MSRA: variants seen among roughly 807,000 people sequenced by gnomAD.
The protein encoded by MSRA is mitochondrial peptide methionine sulfoxide reductase.
A neutral mutation model predicts 31.3 loss-of-function variants in MSRA; 54 were observed. The observed-to-expected ratio is 1.73, with a 90% CI of 1.39 to 2.17. The LOEUF (loss-of-function observed/expected upper bound fraction) is 2.17, where lower values mean the gene tolerates loss of function less well. Ranked by LOEUF, MSRA falls within the 30% of genes most tolerant of loss-of-function variation. MSRA has a pLI of 0.00. For synonymous variants in MSRA, 169 were observed against 116.5 expected (o/e 1.45, Z -2.90); for missense variants, 507 against 300.9 (o/e 1.69, Z -5.07).
chr8:10,222,194 T>C (rs145433063), intron 2 of MSRA, among the ~76,000 whole-genome samples: 78 of 152,282 alleles, frequency 5.1e-4, no homozygotes, highest in African/African-American at 1.7e-3. Flanking sequence ...TTCAATACTT[T>C]TGGCTTTTGA....
At chr8:10,168,369 C>A (rs1478641918) in intron 1 of MSRA, among the ~76,000 whole-genome samples, 1 of 152,148 alleles carries the variant, frequency 6.6e-6, no homozygotes. Context: ...CGCTGGTGTG[C>A]TATCATCCCT....
chr8:10,267,618 G>A (rs1049922699), intron 3 of MSRA, among the ~76,000 whole-genome samples: 5 of 152,084 alleles, frequency 3.3e-5, no homozygotes, highest in African/African-American at 1.2e-4. Context: ...CCAGAAGTGT[G>A]CTTGCTTTAC....
chr8:10,392,822 G>GT, intron 5 of MSRA, among the ~76,000 whole-genome samples: 1 of 142,888 alleles, frequency 7.0e-6, no homozygotes, highest in South Asian at 2.2e-4. Context: ...TGAGACGGGC[G>GT]TATCACCAGG....
chr8:10,337,747 C>G (rs1041382442), intron 5 of MSRA: 11 of 702,680 alleles, frequency 1.6e-5, no homozygotes, highest in Non-Finnish European at 2.9e-5. Context: ...TGCTGGGGCT[C>G]ACTGCAGCCT....
chr8:10,060,350 A>G (rs927801889), intron 1 of MSRA, among the ~76,000 whole-genome samples: 2 of 152,230 alleles, frequency 1.3e-5, no homozygotes, highest in African/African-American at 4.8e-5. Context: ...TGAAAAAAGC[A>G]AGGTCTCAAC....
chr8:10,247,631 C>G (rs78182415), intron 3 of MSRA, among the ~76,000 whole-genome samples: 1 of 152,080 alleles, frequency 6.6e-6, no homozygotes, highest in East Asian at 1.9e-4. Context: ...TGGTAAAGAA[C>G]TCGATTGGAT....
intron 1 of MSRA, among the ~76,000 whole-genome samples, chr8:10,198,035 G>A (rs984872283): frequency 2.0e-5 from 3 of 152,158 alleles, no homozygotes; most frequent in African/African-American, 7.2e-5. Flanking sequence ...GTGGGACTTA[G>A]AAGAGAACAC....
chr8:10,144,994 C>T (rs1021279402), intron 1 of MSRA, among the ~76,000 whole-genome samples: 5 of 151,050 alleles, frequency 3.3e-5, no homozygotes, highest in African/African-American at 4.9e-5. Flanking sequence ...CTCCTTTCCC[C>T]TCCCCCCGCC....
chr8:10,245,076 C>A (rs1213690938), intron 2 of MSRA, 28 bp from the exon 3 acceptor site: 1 of 1,605,430 alleles, frequency 6.2e-7, no homozygotes, highest in Middle Eastern at 1.7e-4. Context: ...TAATCAGTAT[C>A]CTTTTTTTTT....
At position 10,081,219 on chromosome 8, in the gene MSRA, C is replaced by T. The variant is rs145433882; in HGVS notation, c.142+26561C>T. Reference sequence around the variant, plus strand: ...GCGGATGGGGCAGTGGCTGATTCCACGTGGAGGGGCCTGCTCTGAGGCTGC... The same window carrying T: ...GCGGATGGGGCAGTGGCTGATTCCATGTGGAGGGGCCTGCTCTGAGGCTGC... On this transcript the variant is annotated intron_variant, in intron 1 of 5. Transcript: ENST00000317173. 9.8e-5 allele frequency among the ~76,000 whole-genome samples: 15 copies of T among 152,290 alleles called. No homozygotes were observed. In the East Asian group the frequency reaches 2.5e-3, roughly 25 times the overall value.
At chr8:10,227,251 G>T (rs557019498) in intron 2 of MSRA, among the ~76,000 whole-genome samples, 34 of 152,276 alleles carry the variant, frequency 2.2e-4, no homozygotes, top group Admixed American at 1.9e-3. Flanking sequence ...TTGGCAGGTT[G>T]TCATAAGGAA....
In MSRA at chr8:10,332,196, A is replaced by G. The variant is rs554453962; in HGVS notation, c.543+12207A>G. Among the ~76,000 whole-genome samples, 34 of 152,322 alleles carry G rather than the reference A, an allele frequency of 2.2e-4. 1 individual carries two copies. The highest frequency in any genetic ancestry group is 8.2e-4 in the African/African-American group (34 of 41,574). ...GGTCTGTTGTATTCTCTATGCTGCA[A>G]TGTTTAAAACCCATCTGAGTACCGA... On this transcript the variant is annotated intron_variant, in intron 5 of 5. Transcript: ENST00000317173.
intron 1 of MSRA, among the ~76,000 whole-genome samples, chr8:10,067,709 A>G (rs1224558526): frequency 1.3e-5 from 2 of 152,184 alleles, no homozygotes. Context: ...GATTTTAGCT[A>G]TTCCACAGAC....
intron 3 of MSRA, among the ~76,000 whole-genome samples, chr8:10,259,134 T>G (rs761533259): frequency 6.6e-6 from 1 of 151,702 alleles, no homozygotes; most frequent in Non-Finnish European, 1.5e-5. Context: ...CAGATATATA[T>G]GTTCATCTGT....
chr8:10,116,235 T>C (rs1412526093), intron 1 of MSRA, among the ~76,000 whole-genome samples: 2 of 152,228 alleles, frequency 1.3e-5, no homozygotes, highest in Non-Finnish European at 2.9e-5. Flanking sequence ...CCCATATTCA[T>C]AAACTTTTTT....
At chr8:10,058,785 T>G (rs1295794792) in intron 1 of MSRA, among the ~76,000 whole-genome samples, 3 of 152,248 alleles carry the variant, frequency 2.0e-5, no homozygotes, top group Non-Finnish European at 4.4e-5. Flanking sequence ...TATCTTAGTT[T>G]TAATCCCACC....
Position 10,322,133 on chromosome 8 carries a change from G to A in MSRA, c.543+2144G>A, listed in dbSNP as rs1487232767. Among the ~76,000 whole-genome samples, 5 of 152,092 alleles carry A rather than the reference G, an allele frequency of 3.3e-5. No homozygotes were observed. The South Asian group carries it at 8.3e-4, about 25-fold the overall frequency. On this transcript the variant is annotated intron_variant, in intron 5 of 5. Coordinates refer to ENST00000317173, the MANE Select transcript of MSRA (RefSeq NM_012331.5). ...AATTTTCTCAATTCACATGTCATCT[G>A]TGCAGTTTATTATCAAGTACCTGAC... is the stretch of plus-strand genomic sequence containing the variant.
At chr8:10,068,352 C>A (rs78312176) in intron 1 of MSRA, among the ~76,000 whole-genome samples, 1,682 of 152,232 alleles carry the variant, frequency 0.011, 12 homozygotes, top group Non-Finnish European at 0.018. Context: ...CCATTTCTTT[C>A]ATGGATTGTG....
At chr8:10,356,616 T>G (rs1189896033) in intron 5 of MSRA, among the ~76,000 whole-genome samples, 2 of 152,170 alleles carry the variant, frequency 1.3e-5, no homozygotes, top group East Asian at 1.9e-4. Flanking sequence ...GAAAGGTGAT[T>G]TGGTTGTGAG....
Sources: allele counts gnomAD v4.1 joint callset (sites outside exome capture counted in the v4.1 genomes callset), GRCh38; gene constraint gnomAD v4.1.1; transcripts MANE v1.5; gene names NCBI Gene and HGNC (gene_info 2026-07-23, HGNC 2026-07-21).